The following CNTN4 variants were observed in gnomAD, a reference collection of about 807,000 sequenced individuals.
CNTN4 encodes the protein contactin-4.
A neutral mutation model predicts 122.5 loss-of-function variants in CNTN4; 77 were observed. That is an observed-to-expected ratio of 0.63 (90% CI 0.52 to 0.76). The LOEUF is 0.76. Ranked by LOEUF, CNTN4 falls within the 30% of genes least tolerant of loss-of-function variation. CNTN4 has a pLI of 0.00. For synonymous variants in CNTN4, 512 were observed against 447.0 expected (o/e 1.15, Z -1.83); for missense variants, 1,256 against 1,259.1 (o/e 1.00, Z 0.04).
chr3:2,132,817 A>G (rs2034514740), intron 2 of CNTN4, among the ~76,000 whole-genome samples: 1 of 152,130 alleles, frequency 6.6e-6, no homozygotes, highest in African/African-American at 2.4e-5. Flanking sequence ...GACAGGGCCC[A>G]TTTCTCTGTT....
intron 6 of CNTN4, among the ~76,000 whole-genome samples, chr3:2,778,784 A>G (rs541774296): frequency 6.6e-6 from 1 of 152,314 alleles, no homozygotes; most frequent in South Asian, 2.1e-4. Context: ...GCTGACTTTT[A>G]ATGAGAATTC....
intron 4 of CNTN4, among the ~76,000 whole-genome samples, chr3:2,618,995 A>G (rs1048987913): frequency 2.0e-5 from 3 of 152,196 alleles, no homozygotes. Context: ...AAAATACAGG[A>G]TATGTTCCTT....
At position 2,817,006 on chromosome 3, in the gene CNTN4, A is replaced by G. The variant is rs115540989; in HGVS notation, c.359-2480A>G. 2.7e-3 allele frequency among the ~76,000 whole-genome samples: 404 copies of G among 152,276 alleles called. 1 individual carries two copies. Among genetic ancestry groups the G allele is most frequent in the African/African-American group, 9.2e-3 (381 of 41,548 alleles). On this transcript the variant is annotated intron_variant, in intron 6 of 24. Transcript: ENST00000418658. ...TTTACACACATAGCTCTTGACTTAG[A>G]AAAGTATCATGTTGTTAACTGTTAG...
At chr3:2,757,881 G>A (rs1041756187) in intron 6 of CNTN4, among the ~76,000 whole-genome samples, 1 of 152,128 alleles carries the variant, frequency 6.6e-6, no homozygotes, top group African/African-American at 2.4e-5. Context: ...TCAGTAGATG[G>A]CACTGAAGGT....
chr3:2,515,923 C>A lies in CNTN4; in HGVS notation c.-88-55493C>A, dbSNP rs111797245. ...ACAGTTGACTATATATATATACACA[C>A]ACACTTATAAATATTTTTTAACATC... On this transcript the variant is annotated intron_variant, in intron 3 of 24. Transcript: ENST00000418658. Among the ~76,000 whole-genome samples the A allele has an allele frequency of 8.3e-3, 1,267 of 152,162 alleles. 17 individuals carry two copies. The highest frequency in any genetic ancestry group is 0.029 in the African/African-American group (1,217 of 41,532).
chr3:2,312,966 G>A (rs2042967006), intron 2 of CNTN4, among the ~76,000 whole-genome samples: 1 of 151,796 alleles, frequency 6.6e-6, no homozygotes, highest in African/African-American at 2.4e-5. Flanking sequence ...TGTGAGTTAG[G>A]ATCAAAAATT....
chr3:2,695,302 C>G (rs1312215942), intron 4 of CNTN4, among the ~76,000 whole-genome samples: 3 of 152,176 alleles, frequency 2.0e-5, no homozygotes, highest in Non-Finnish European at 4.4e-5. Context: ...TACTGCCTCT[C>G]TCTAACATCT....
chr3:2,414,457 A>C (rs1309046691), intron 3 of CNTN4, among the ~76,000 whole-genome samples: 2 of 152,224 alleles, frequency 1.3e-5, no homozygotes. Flanking sequence ...TGCATTAAAT[A>C]AATATGTAAA....
At chr3:2,869,396 A>G (rs1318323404) in intron 8 of CNTN4, among the ~76,000 whole-genome samples, 1 of 152,150 alleles carries the variant, frequency 6.6e-6, no homozygotes, top group Non-Finnish European at 1.5e-5. Flanking sequence ...AGCTGCGAGA[A>G]CCTGATCATT....
intron 3 of CNTN4, among the ~76,000 whole-genome samples, chr3:2,489,545 C>T (rs1205503266): frequency 1.3e-5 from 2 of 152,164 alleles, no homozygotes; most frequent in Non-Finnish European, 2.9e-5. Flanking sequence ...GTACAATGTT[C>T]TGAGGAATTA....
chr3:2,236,972 T>C (rs970405128), intron 2 of CNTN4, among the ~76,000 whole-genome samples: 1 of 152,118 alleles, frequency 6.6e-6, no homozygotes, highest in Non-Finnish European at 1.5e-5. Flanking sequence ...ACTTCTTCAG[T>C]GTAGCTGGAC....
intron 2 of CNTN4, among the ~76,000 whole-genome samples, chr3:2,286,130 G>C (rs1031885322): frequency 6.6e-6 from 1 of 151,534 alleles, no homozygotes; most frequent in Non-Finnish European, 1.5e-5. Flanking sequence ...AGCAAAAATG[G>C]TATTATATCT....
At chr3:2,477,251 C>G (rs774207089) in intron 3 of CNTN4, among the ~76,000 whole-genome samples, 5 of 152,100 alleles carry the variant, frequency 3.3e-5, no homozygotes, top group Admixed American at 6.6e-5. Context: ...AGGATTCAGG[C>G]CAAAACTGAA....
At chr3:2,900,332 T>C (rs1195738153) in intron 10 of CNTN4, among the ~76,000 whole-genome samples, 1 of 147,398 alleles carries the variant, frequency 6.8e-6, no homozygotes, top group South Asian at 2.1e-4. Context: ...CCTGGAAATA[T>C]ACCAGCCTGG....
intron 6 of CNTN4, among the ~76,000 whole-genome samples, chr3:2,778,624 A>G (rs954798276): frequency 1.1e-4 from 17 of 152,220 alleles, no homozygotes; most frequent in Non-Finnish European, 2.4e-4. Flanking sequence ...TGGAACTATT[A>G]TAGTGATGAA....
At chr3:2,282,050 C>T (rs1430994112) in intron 2 of CNTN4, among the ~76,000 whole-genome samples, 3 of 152,014 alleles carry the variant, frequency 2.0e-5, no homozygotes, top group Non-Finnish European at 4.4e-5. Context: ...TTGAAATTTT[C>T]TTATTTTCCT....
At chr3:2,347,763 T>C (rs2044457829) in intron 3 of CNTN4, among the ~76,000 whole-genome samples, 2 of 151,940 alleles carry the variant, frequency 1.3e-5, no homozygotes, top group African/African-American at 4.8e-5. Flanking sequence ...GTAGTATTTA[T>C]GAAAAGCACT....
At chr3:2,269,237 G>A (rs1449214653) in intron 2 of CNTN4, among the ~76,000 whole-genome samples, 1 of 152,074 alleles carries the variant, frequency 6.6e-6, no homozygotes, top group Admixed American at 6.6e-5. Context: ...TAGTTTGGTG[G>A]TGATTGCACA....
At chr3:2,638,389 T>C (rs2082758362) in intron 4 of CNTN4, among the ~76,000 whole-genome samples, 1 of 152,202 alleles carries the variant, frequency 6.6e-6, no homozygotes. Flanking sequence ...TGAATATGCC[T>C]TAAACCTCTT....
Sources: gnomAD v4.1 joint callset for allele counts (sites outside exome capture counted in the v4.1 genomes callset) on GRCh38, gnomAD v4.1.1 for gene constraint, MANE v1.5 for transcripts, NCBI Gene and HGNC (gene_info 2026-07-23, HGNC 2026-07-21) for gene names.